Variants in ACTG2 observed in about 807,000 individuals in gnomAD.
ACTG2 encodes the protein actin, gamma-enteric smooth muscle.
A neutral mutation model predicts 37.6 loss-of-function variants in ACTG2; 16 were observed. The ratio of observed to expected loss-of-function variants is 0.43; its 90% CI spans 0.29 to 0.65. The LOEUF (loss-of-function observed/expected upper bound fraction) is 0.65. ACTG2 is among the 30% of genes least tolerant of loss of function. The pLI is 0.18. For synonymous variants in ACTG2, 181 were observed against 179.9 expected (o/e 1.01, Z -0.05); for missense variants, 238 against 490.9 (o/e 0.48, Z 4.87).
At chr2:73,908,636 G>C (rs761158407) in intron 3 of ACTG2, 37 bp from the exon 4 acceptor site, 27 of 1,520,798 alleles carry the variant, frequency 1.8e-5, no homozygotes, top group Admixed American at 3.9e-5. Context: ...CAGCCATTGG[G>C]AGTCTGCCAG....
At chr2:73,902,894 C>A in intron 3 of ACTG2, 2 of 1,020,894 alleles carry the variant, frequency 2.0e-6, no homozygotes, top group Admixed American at 2.7e-5. Context: ...TCATCTTTTC[C>A]TGCAATATTT....
At chr2:73,918,178 G>A (rs966116832) in intron 8 of ACTG2, among the ~76,000 whole-genome samples, 2 of 152,188 alleles carry the variant, frequency 1.3e-5, no homozygotes, top group African/African-American at 4.8e-5. Context: ...GTGCTTATAT[G>A]AGCACCTATC....
rs376361264 is a variant in ACTG2, at chr2:73,906,756, G to A, written c.256-1917G>A. 2.0e-5 allele frequency among the ~76,000 whole-genome samples: 3 copies of A among 152,202 alleles called. No homozygotes were observed. In the East Asian group the frequency reaches 5.8e-4, roughly 29 times the overall value. ...GCTCCCCAAAGTGCTGGGATTACAG[G>A]CATAAGTCACCACACTCGACCTTAA... On this transcript the variant is annotated intron_variant, in intron 3 of 8. Transcript: ENST00000345517.
At chr2:73,918,643 G>T (rs1680319976) in intron 8 of ACTG2, among the ~76,000 whole-genome samples, 1 of 152,172 alleles carries the variant, frequency 6.6e-6, no homozygotes, top group East Asian at 1.9e-4. Context: ...GTTCAAAGTT[G>T]TTTGACCTGA....
Position 73,913,477 on chromosome 2 carries a change from G to A in ACTG2, c.452-8G>A, listed in dbSNP as rs759422854. ...GAATTTTATAAGCCTGATCCTCTCT[G>A]TCCACAGGCATCGTCCTGGATTCAG... On this transcript the variant is annotated splice_region_variant and splice_polypyrimidine_tract_variant and intron_variant, in intron 5 of 8. Transcript: ENST00000345517. 7.5e-6 allele frequency: 12 copies of A among 1,597,114 alleles called. No homozygotes were observed. In the African/African-American group the frequency reaches 1.2e-4, roughly 16 times the overall value.
At chr2:73,900,877 C>T (rs372828747) in intron 1 of ACTG2, among the ~76,000 whole-genome samples, 7 of 152,312 alleles carry the variant, frequency 4.6e-5, no homozygotes, top group East Asian at 1.9e-4. Context: ...CACCTTCTCA[C>T]TGCATCCTCC....
chr2:73,911,458 C>G (rs1680138460), intron 5 of ACTG2, among the ~76,000 whole-genome samples: 1 of 151,852 alleles, frequency 6.6e-6, no homozygotes, highest in African/African-American at 2.4e-5. Flanking sequence ...GATCTCACCA[C>G]TGCACTCCAG....
intron 3 of ACTG2, among the ~76,000 whole-genome samples, chr2:73,904,775 GTGTATATATATATATATATA>G (rs1392186625): frequency 0.049 from 937 of 19,096 alleles, 15 homozygotes; most frequent in African/African-American, 0.14. Context: ...GTGTGTGTGT[GTGTATATATATATATATATA>G]TATATATATA....
intron 4 of ACTG2, 29 bp downstream of exon 4, chr2:73,908,812 G>A (rs746269626): frequency 1.9e-6 from 3 of 1,541,468 alleles, no homozygotes; most frequent in East Asian, 2.2e-5. Flanking sequence ...TTGAACACTG[G>A]CATAAGAATG....
At chr2:73,913,248 G>C (rs1680181985) in intron 5 of ACTG2, among the ~76,000 whole-genome samples, 1 of 151,254 alleles carries the variant, frequency 6.6e-6, no homozygotes, top group Admixed American at 6.6e-5. Context: ...TGTGTTTCAA[G>C]GAATACAAAA....
At chr2:73,898,966 G>C (rs1022948996) in intron 1 of ACTG2, among the ~76,000 whole-genome samples, 30 of 151,318 alleles carry the variant, frequency 2.0e-4, no homozygotes, top group East Asian at 1.4e-3. Context: ...CCATGCCTGG[G>C]TAATTTTCTT....
At chr2:73,908,998 G>T in intron 4 of ACTG2, 57 bp from the exon 5 acceptor site, 1 of 1,521,844 alleles carries the variant, frequency 6.6e-7, no homozygotes, top group Admixed American at 1.7e-5. Context: ...CATTCTACAG[G>T]CCAAGAAGTG....
intron 1 of ACTG2, 136 bp from the exon 2 acceptor site, chr2:73,901,140 G>T: frequency 3.1e-6 from 2 of 637,120 alleles, no homozygotes; most frequent in Non-Finnish European, 4.8e-6. Flanking sequence ...GCCAGTGAGT[G>T]GGAGGCCAAG....
At chr2:73,904,274 A>AAAGG (rs1293180377) in intron 3 of ACTG2, among the ~76,000 whole-genome samples, 57 of 142,818 alleles carry the variant, frequency 4.0e-4, no homozygotes, top group Admixed American at 9.2e-4. Flanking sequence ...AAAAAAAAAG[A>AAAGG]AAGGAAGGAA....
chr2:73,904,773 GTGTGTATATATATATA>G (rs1344583765), intron 3 of ACTG2, among the ~76,000 whole-genome samples: 818 of 20,002 alleles, frequency 0.041, 11 homozygotes, highest in African/African-American at 0.094. Context: ...GTGTGTGTGT[GTGTGTATATATATATA>G]TATATATATA....
intron 3 of ACTG2, among the ~76,000 whole-genome samples, chr2:73,906,848 G>T (rs831551): frequency 0.78 from 119,345 of 152,164 alleles, 47,099 homozygotes; most frequent in Admixed American, 0.83. Flanking sequence ...CTCCAAAAAA[G>T]AAACCAAAAT....
chr2:73,912,264 T>A (rs1431600214), intron 5 of ACTG2, among the ~76,000 whole-genome samples: 1 of 152,216 alleles, frequency 6.6e-6, no homozygotes, highest in East Asian at 1.9e-4. Flanking sequence ...TTCAAGCGAT[T>A]CTCCTGCCTC....
At chr2:73,894,705 G>GAGCTTGGTCCTGAAGTAAGGACCA (rs67626902) in intron 1 of ACTG2, among the ~76,000 whole-genome samples, 3 of 151,870 alleles carry the variant, frequency 2.0e-5, no homozygotes, top group South Asian at 2.1e-4. Context: ...AGAGGTGCCT[G>GAGCTTGGTCCTGAAGTAAGGACCA]AGCTTGGTCC....
At chr2:73,897,920 G>A (rs1191806758) in intron 1 of ACTG2, among the ~76,000 whole-genome samples, 1 of 152,220 alleles carries the variant, frequency 6.6e-6, no homozygotes, top group African/African-American at 2.4e-5. Flanking sequence ...ATTCAAGAGG[G>A]CAGAACCCTG....
Sources: allele counts gnomAD v4.1 joint callset (sites outside exome capture counted in the v4.1 genomes callset), GRCh38; gene constraint gnomAD v4.1.1; transcripts MANE v1.5; gene names NCBI Gene and HGNC (gene_info 2026-07-23, HGNC 2026-07-21).